ZNF384: variants seen among roughly 807,000 people sequenced by gnomAD.
ZNF384 encodes the protein zinc finger protein 384, also known as CAG repeat protein 1.
Under a neutral mutation model 65.0 loss-of-function variants are expected in ZNF384, and 20 were observed. The observed-to-expected ratio is 0.31, with a 90% CI of 0.22 to 0.45. ZNF384 has a LOEUF of 0.45. Ranked by LOEUF, ZNF384 falls within the 20% of genes least tolerant of loss-of-function variation. The probability of loss-of-function intolerance (pLI) is 1.00; values close to 1 mark genes in which losing one functional copy is unlikely to be tolerated. For synonymous variants in ZNF384, 310 were observed against 303.9 expected (o/e 1.02, Z -0.21); for missense variants, 549 against 769.4 (o/e 0.71, Z 3.39).
intron 2 of ZNF384, among the ~76,000 whole-genome samples, chr12:6,683,128 T>C (rs1956662084): frequency 6.6e-6 from 1 of 150,624 alleles, no homozygotes; most frequent in South Asian, 2.1e-4. Flanking sequence ...CCATCTCTAC[T>C]AAAAATACAA....
chr12:6,688,371 A>G (rs747687251), intron 1 of ZNF384, 145 bp from the exon 2 acceptor site: 5 of 152,324 alleles, frequency 3.3e-5, no homozygotes, highest in South Asian at 2.1e-4. Context: ...GGTGGATATA[A>G]TAACAGCAGT....
At chr12:6,682,340 C>CAAAACAAAACAAAAG in intron 2 of ZNF384, among the ~76,000 whole-genome samples, 1 of 141,950 alleles carries the variant, frequency 7.0e-6, no homozygotes, top group Non-Finnish European at 1.5e-5. Flanking sequence ...CAAAACAAAA[C>CAAAACAAAACAAAAG]AAAACAAAAC....
In ZNF384 at chr12:6,667,630, A is replaced by G. The variant is rs771954100; in HGVS notation, c.*84T>C. Reference sequence around the variant, plus strand: ...ATGGAGCCAAGGCCTGTCAAGGAAGAAAAGGACTTTTCCCACCAAGAGTTG... The same window carrying G: ...ATGGAGCCAAGGCCTGTCAAGGAAGGAAAGGACTTTTCCCACCAAGAGTTG... On this transcript the variant is annotated 3_prime_UTR_variant, in exon 12 of 12. Transcript: ENST00000683879. 6.3e-7 allele frequency: 1 copy of G among 1,587,454 alleles called. No homozygotes were observed. Among genetic ancestry groups the G allele is most frequent in the African/African-American group, 1.3e-5 (1 of 74,582 alleles).
Position 6,667,898 on chromosome 12 carries a change from G to GGCTGTT in ZNF384, c.1637_1642dup (p.Gln546_Gln547dup). The GGCTGTT allele has an allele frequency of 1.2e-6, 2 of 1,600,822 alleles. No individual in the cohort carries two copies. The highest frequency in any genetic ancestry group is 2.3e-5 in the East Asian group (1 of 44,322). On this transcript the variant is annotated inframe_insertion, in exon 12 of 12. Coordinates refer to ENST00000683879, the MANE Select transcript of ZNF384 (RefSeq NM_001385745.1). The stretch of plus-strand genomic sequence containing the variant: ...CCCAGGAGACTGGAAGTGTGGTGGT[G>GGCTGTT]GCTGTTGCTGCTGCTGCTGCTGCTG...
Position 6,681,298 on chromosome 12 carries a change from C to T in ZNF384, c.-5-1773G>A, listed in dbSNP as rs1186774879. ...CAACAAATAACAGATGGGTACAGAA[C>T]ACAGGCATCCCACCACCCAGTTTCA... On this transcript the variant is annotated intron_variant, in intron 2 of 11. Coordinates refer to ENST00000683879, the MANE Select transcript of ZNF384 (RefSeq NM_001385745.1). Among the ~76,000 whole-genome samples the T allele has an allele frequency of 2.6e-5, 4 of 150,960 alleles. No individual in the cohort carries two copies. The East Asian group carries it at 7.8e-4, about 29-fold the overall frequency.
chr12:6,681,594 AAG>A (rs1246869805), intron 2 of ZNF384, among the ~76,000 whole-genome samples: 1 of 152,186 alleles, frequency 6.6e-6, no homozygotes, highest in East Asian at 1.9e-4. Flanking sequence ...GGCAAACACT[AAG>A]ATACTGAGAG....
rs112587321 is a variant in ZNF384 at position 6,683,240 on chromosome 12, G to A, written c.-5-3715C>T. On this transcript the variant is annotated intron_variant, in intron 2 of 11. Transcript: ENST00000683879. ...CAGGAGGTGGAGGTTGCAGCGAGCC[G>A]AGATCTAACCACTGCACTGCAGCCT... Among the ~76,000 whole-genome samples the A allele has an allele frequency of 7.9e-3, 1,195 of 151,454 alleles. 13 individuals carry two copies. The highest frequency in any genetic ancestry group is 0.027 in the African/African-American group (1,095 of 41,206).
Position 6,673,267 on chromosome 12 carries a change from T to A in ZNF384, c.953A>T (p.Asn318Ile). 1 of 1,613,994 alleles carries A rather than the reference T, an allele frequency of 6.2e-7. No individual in the cohort carries two copies. The highest frequency in any genetic ancestry group is 8.5e-7 in the Non-Finnish European group (1 of 1,180,008). Residue 318 changes from asparagine (N) to isoleucine (I), a missense_variant, in exon 8 of 12, where the codon AAC (asparagine) becomes ATC (isoleucine). Physicochemically the swap from Asn to Ile is moderately radical, Grantham distance 149 (BLOSUM62 -3). Around this residue, in one of 5 missense-constraint regions of ZNF384, gnomAD observed 39 missense variants for 85.8 expected, o/e 0.45. Coordinates refer to ENST00000683879, the MANE Select transcript of ZNF384 (RefSeq NM_001385745.1). The surrounding 1 kb of genome is among the most constrained non-coding windows in gnomAD (Gnocchi z 4.7). ...CTGGCGGAAGGATTTCTCACAGAAG[T>A]TACAACTGTAGGGCTTAGCCCCTGA... ...IHSGAKPYSC[N>I]FCEKSFRQLS...
At chr12:6,683,922 A>G (rs1351708693) in intron 2 of ZNF384, among the ~76,000 whole-genome samples, 1 of 152,038 alleles carries the variant, frequency 6.6e-6, no homozygotes, top group Non-Finnish European at 1.5e-5. Context: ...GAGGCTGAGA[A>G]AGGAGAATCA....
intron 2 of ZNF384, among the ~76,000 whole-genome samples, chr12:6,686,901 TA>T (rs2137468468): frequency 6.6e-6 from 1 of 152,152 alleles, no homozygotes; most frequent in South Asian, 2.1e-4. Context: ...CATCTACAAG[TA>T]GCATCAACAA....
At chr12:6,668,854 C>A (rs1423484137) in intron 11 of ZNF384, among the ~76,000 whole-genome samples, 177 bp downstream of exon 11, 1 of 152,082 alleles carries the variant, frequency 6.6e-6, no homozygotes, top group East Asian at 1.9e-4. Context: ...GGAGATCAGG[C>A]ATCCCCTAAA....
intron 1 of ZNF384, chr12:6,688,633 T>G (rs1469984718): frequency 6.6e-6 from 1 of 152,292 alleles, no homozygotes. Flanking sequence ...GCAGGCACAG[T>G]GCCAGTTCAG....
At chr12:6,686,830 A>T (rs1020907160) in intron 2 of ZNF384, among the ~76,000 whole-genome samples, 1 of 152,252 alleles carries the variant, frequency 6.6e-6, no homozygotes, top group Non-Finnish European at 1.5e-5. Flanking sequence ...TTACATAAGG[A>T]CTACATAATT....
intron 10 of ZNF384, 25 bp downstream of exon 10, chr12:6,670,735 C>T: frequency 6.2e-7 from 1 of 1,610,796 alleles, no homozygotes; most frequent in African/African-American, 1.3e-5. Flanking sequence ...GACTCAAGGT[C>T]TTGTGTGGAG....
At chr12:6,670,030 TTA>T (rs1201917309) in intron 10 of ZNF384, among the ~76,000 whole-genome samples, 1 of 152,182 alleles carries the variant, frequency 6.6e-6, no homozygotes, top group Non-Finnish European at 1.5e-5. Flanking sequence ...TCATTGTGCC[TTA>T]TGTTTTACAT....
intron 10 of ZNF384, among the ~76,000 whole-genome samples, chr12:6,669,795 C>T (rs1200054973): frequency 1.3e-5 from 2 of 152,164 alleles, no homozygotes; most frequent in Non-Finnish European, 2.9e-5. Flanking sequence ...AGCCACCGCG[C>T]CCAGCCAAAT....
In ZNF384 at chr12:6,676,012, T is replaced by G. The variant is rs75995100; in HGVS notation, c.779+1155A>C. ...CAGAAATTCACTGTGATAAAAAGAT[T>G]TCTTTTGCCAGGCACAGTGGCTCAC... On this transcript the variant is annotated intron_variant, in intron 7 of 11. Coordinates refer to ENST00000683879, the MANE Select transcript of ZNF384 (RefSeq NM_001385745.1). 7.5e-3 allele frequency among the ~76,000 whole-genome samples: 1,142 copies of G among 152,252 alleles called. 15 individuals are homozygous for G. The highest frequency in any genetic ancestry group is 0.024 in the African/African-American group (995 of 41,550).
At chr12:6,676,593 G>C (rs1196575743) in intron 7 of ZNF384, among the ~76,000 whole-genome samples, 1 of 152,122 alleles carries the variant, frequency 6.6e-6, no homozygotes, top group Non-Finnish European at 1.5e-5. Flanking sequence ...CCATTAGAAG[G>C]GCTCTATAGA....
At position 6,673,522 on chromosome 12, in the gene ZNF384, C is replaced by T. The variant is rs1345238487; in HGVS notation, c.780-82G>A. The T allele has an allele frequency of 5.6e-6, 7 of 1,250,598 alleles. No homozygotes were observed. The highest frequency in any genetic ancestry group is 7.9e-6 in the Non-Finnish European group (7 of 885,820). The allele number at this position is 1,250,598 out of a possible 1,614,324, so 77.5% of individuals were successfully genotyped here. ...CCCTCCCCTCTACTTCCAAGAGAAG[C>T]CCACCTATCTGAGGTCTCTCCTACT... is the stretch of plus-strand genomic sequence containing the variant. On this transcript the variant is annotated intron_variant, in intron 7 of 11. Coordinates refer to ENST00000683879, the MANE Select transcript of ZNF384 (RefSeq NM_001385745.1). The surrounding 1 kb of genome is among the most constrained non-coding windows in gnomAD (Gnocchi z 4.7).
Sources: allele counts gnomAD v4.1 joint callset (sites outside exome capture counted in the v4.1 genomes callset), GRCh38; gene constraint gnomAD v4.1.1; regional missense constraint gnomAD v4.1.1; non-coding constraint Gnocchi (gnomAD v3.1); transcripts MANE v1.5; gene names NCBI Gene and HGNC (gene_info 2026-07-23, HGNC 2026-07-21).